Variants in CARS2 observed in about 807,000 individuals in gnomAD.
The protein encoded by CARS2 is probable cysteine--tRNA ligase, mitochondrial.
A neutral mutation model predicts 68.8 loss-of-function variants in CARS2; 52 were observed. The observed-to-expected ratio is 0.76, with a 90% CI of 0.61 to 0.95. CARS2 has a LOEUF of 0.95. Among genes scored for constraint, CARS2 ranks in the 40% least tolerant of loss-of-function variants. The pLI is 0.00. For missense variants in CARS2, 780 were observed against 754.2 expected (o/e 1.03, Z -0.40); for synonymous variants, 314 against 303.6 (o/e 1.03, Z -0.36).
chr13:110,712,981 G>A (rs372877159), intron 1 of CARS2: 2 of 1,555,168 alleles, frequency 1.3e-6, no homozygotes, highest in Non-Finnish European at 8.7e-7. Flanking sequence ...GGAATGGGTA[G>A]GTCTCCCGCG....
At chr13:110,678,565 C>CTTGG (rs1426763830) in intron 6 of CARS2, among the ~76,000 whole-genome samples, 2 of 152,238 alleles carry the variant, frequency 1.3e-5, no homozygotes, top group Non-Finnish European at 2.9e-5. Context: ...ATAACATCCT[C>CTTGG]TGGGCACCCA....
chr13:110,646,105 G>GA lies in CARS2; in HGVS notation c.1194-16dup, dbSNP rs755877488. 3.7e-6 allele frequency: 6 copies of GA among 1,611,310 alleles called. No individual in the cohort carries two copies. Among genetic ancestry groups the GA allele is most frequent in the East Asian group, 2.2e-5 (1 of 44,776 alleles). ...TGCTGGAGAGCCTGAGGGAAGAGGAGAGAACAGTCACAGCAGAGGGAGCTC... is the reference window on the plus strand; with the variant it reads ...TGCTGGAGAGCCTGAGGGAAGAGGAGAAGAACAGTCACAGCAGAGGGAGCTC... On this transcript the variant is annotated splice_polypyrimidine_tract_variant and intron_variant, in intron 11 of 14. Transcript: ENST00000257347.
chr13:110,650,793 G>A, intron 10 of CARS2: 1 of 471,998 alleles, frequency 2.1e-6, no homozygotes, highest in East Asian at 3.8e-5. Flanking sequence ...GACCCAGAGA[G>A]AAGGAGTGGA....
chr13:110,671,523 T>C (rs1264885558), intron 7 of CARS2, among the ~76,000 whole-genome samples: 2 of 152,186 alleles, frequency 1.3e-5, no homozygotes, highest in Admixed American at 6.5e-5. Flanking sequence ...CTGAGAGATG[T>C]TGTCACCACC....
At position 110,705,533 on chromosome 13, in the gene CARS2, A is replaced by C; in HGVS notation, c.263T>G (p.Leu88Arg). 6.2e-7 allele frequency: 1 copy of C among 1,605,368 alleles called. No individual in the cohort carries two copies. Among genetic ancestry groups the C allele is most frequent in the Non-Finnish European group, 8.5e-7 (1 of 1,175,182 alleles). Residue 88 changes from leucine to arginine, a missense_variant, in exon 2 of 15, where the codon CTT becomes CGT. Leu to Arg is a moderately radical substitution (Grantham distance 102). Coordinates refer to ENST00000257347, the MANE Select transcript of CARS2 (RefSeq NM_024537.4). The surrounding 1 kb of genome is among the most constrained non-coding windows in gnomAD (Gnocchi z 4.0). Reference protein sequence around the residue: ...CGPTVYDHAHLGHACSYVRFD... With the variant: ...CGPTVYDHAHRGHACSYVRFD... Reference sequence around the variant, plus strand: ...CCAGGAAACTCACCAAGCATGGCCAAGGTGCGCATGATCATATACAGTTGG... The same window carrying C: ...CCAGGAAACTCACCAAGCATGGCCACGGTGCGCATGATCATATACAGTTGG...
intron 11 of CARS2, 74 bp from the exon 12 acceptor site, chr13:110,646,164 C>T (rs1024848884): frequency 6.6e-7 from 1 of 1,511,652 alleles, no homozygotes; most frequent in African/African-American, 1.4e-5. Context: ...ACCAGTCCTT[C>T]CCCAGGGAGA....
chr13:110,649,764 C>T (rs1016597797), intron 10 of CARS2, among the ~76,000 whole-genome samples: 1 of 152,110 alleles, frequency 6.6e-6, no homozygotes. Flanking sequence ...CAGCAACCCT[C>T]GCTCACCAGG....
At chr13:110,672,735 T>C (rs1056829368) in intron 7 of CARS2, among the ~76,000 whole-genome samples, 1 of 151,808 alleles carries the variant, frequency 6.6e-6, no homozygotes, top group African/African-American at 2.4e-5. Flanking sequence ...CTGAAGGAGA[T>C]AGAGACACAA....
chr13:110,644,214 A>G lies in CARS2; in HGVS notation c.1416+171T>C, dbSNP rs1195148944. 3 of 1,439,048 alleles carry G rather than the reference A, an allele frequency of 2.1e-6. No homozygotes were observed. In the East Asian group the frequency reaches 7.8e-5, roughly 38 times the overall value. The allele number at this position is 1,439,048 out of a possible 1,614,324, so 89.1% of individuals were successfully genotyped here. A position where few individuals can be genotyped will look rare whatever the true frequency, so the allele number is the denominator to read the frequency against. ...AAGTAGAATTGTGCAATTCCAATTA[A>G]TAAGTATTGGCTCTGAGTGTGTTTA... On this transcript the variant is annotated intron_variant, in intron 13 of 14. Coordinates refer to ENST00000257347, the MANE Select transcript of CARS2 (RefSeq NM_024537.4).
chr13:110,684,667 G>A (rs974734455), intron 5 of CARS2, among the ~76,000 whole-genome samples: 8 of 151,668 alleles, frequency 5.3e-5, no homozygotes, highest in Admixed American at 2.0e-4. Context: ...GCTGGCACTC[G>A]GTGCTGGGGA....
intron 5 of CARS2, among the ~76,000 whole-genome samples, chr13:110,685,992 G>GAAAAAAAAAAAAAAAAAAAA (rs10668818): frequency 7.8e-6 from 1 of 128,652 alleles, no homozygotes. Flanking sequence ...CAGAAAAAAT[G>GAAAAAAAAAAAAAAAAAAAA]AAAAAAAAAA....
At chr13:110,698,586 T>C (rs1034401309) in intron 3 of CARS2, among the ~76,000 whole-genome samples, 1 of 152,256 alleles carries the variant, frequency 6.6e-6, no homozygotes, top group South Asian at 2.1e-4. Context: ...GTTTGAATGT[T>C]TGTCCCCTCC....
chr13:110,662,951 G>A lies in CARS2; in HGVS notation c.987+500C>T, dbSNP rs543263740. On this transcript the variant is annotated intron_variant, in intron 9 of 14. Transcript: ENST00000257347. The stretch of plus-strand genomic sequence containing the variant: ...ATGTCAGCCAGAGCCCTCCGTGGGT[G>A]TGCCTGTTTTCCATTCACACGAAAA... The A allele has an allele frequency of 1.3e-5, 6 of 455,456 alleles. 1 individual carries two copies. Among genetic ancestry groups the A allele is most frequent in the Non-Finnish European group, 2.6e-5 (6 of 226,558 alleles). The allele number at this position is 455,456 out of a possible 1,614,324, so 28.2% of individuals were successfully genotyped here.
Position 110,705,718 on chromosome 13 carries a change from A to G in CARS2, c.225-147T>C. Reference sequence around the variant, plus strand: ...TTTCATACTTGCTCAATTCACACCCAAACCTGCAAAAGCACCGCGCACCCC... The same window carrying G: ...TTTCATACTTGCTCAATTCACACCCGAACCTGCAAAAGCACCGCGCACCCC... On this transcript the variant is annotated intron_variant, in intron 1 of 14. Transcript: ENST00000257347. This position sits in a 1 kb window ranked among gnomAD's most constrained non-coding sequence, Gnocchi z 4.0. 6.5e-7 allele frequency: 1 copy of G among 1,532,222 alleles called. No individual in the cohort carries two copies. The highest frequency in any genetic ancestry group is 8.8e-7 in the Non-Finnish European group (1 of 1,136,528). The allele number at this position is 1,532,222 out of a possible 1,614,324, so 94.9% of individuals were successfully genotyped here. A position where few individuals can be genotyped will look rare whatever the true frequency, so the allele number is the denominator to read the frequency against.
At chr13:110,649,931 C>CTTTTTTTTTTT (rs59276783) in intron 10 of CARS2, among the ~76,000 whole-genome samples, 1 of 73,146 alleles carries the variant, frequency 1.4e-5, no homozygotes, top group Admixed American at 1.5e-4. Flanking sequence ...TGGATAACGA[C>CTTTTTTTTTTT]TTTTTTTTTT....
Position 110,644,374 on chromosome 13 carries a change from A to G in CARS2, c.1416+11T>C. ...ATTCCAGAATTAAGCATTTAAAATAATAGGACCTACCTGTTGATTTGCCAG... is the reference window on the plus strand; with the variant it reads ...ATTCCAGAATTAAGCATTTAAAATAGTAGGACCTACCTGTTGATTTGCCAG... On this transcript the variant is annotated intron_variant, in intron 13 of 14. Transcript: ENST00000257347. The G allele has an allele frequency of 1.2e-6, 2 of 1,610,794 alleles. No individual in the cohort carries two copies. The highest frequency in any genetic ancestry group is 1.1e-5 in the South Asian group (1 of 91,000).
intron 14 of CARS2, 69 bp from the exon 15 acceptor site, chr13:110,641,677 G>C (rs1433567184): frequency 1.6e-6 from 2 of 1,284,758 alleles, no homozygotes; most frequent in East Asian, 4.6e-5. Context: ...GCTGACAGGC[G>C]TAATCAGGTT....
chr13:110,643,065 T>G, intron 13 of CARS2: 1 of 301,278 alleles, frequency 3.3e-6, no homozygotes, highest in South Asian at 2.8e-5. Flanking sequence ...GTGTGTAAAA[T>G]AAGAAACAGA....
At chr13:110,666,811 C>T (rs1375065214) in intron 8 of CARS2, 5 of 985,396 alleles carry the variant, frequency 5.1e-6, no homozygotes, top group South Asian at 4.7e-5. Context: ...ACTAGTTAAT[C>T]GTGACCCTGT....
Sources: gnomAD v4.1 joint callset for allele counts (sites outside exome capture counted in the v4.1 genomes callset) on GRCh38, gnomAD v4.1.1 for gene constraint, Gnocchi (gnomAD v3.1) non-coding constraint, MANE v1.5 for transcripts, NCBI Gene and HGNC (gene_info 2026-07-23, HGNC 2026-07-21) for gene names.